ATRX: variants seen among roughly 807,000 people sequenced by gnomAD.
ATRX encodes ATRX chromatin remodeler.
In ATRX, 12 loss-of-function variants were observed where a neutral mutation model predicts 172.6. The ratio of observed to expected loss-of-function variants is 0.07; its 90% confidence interval spans 0.04 to 0.11. ATRX has a LOEUF of 0.11. Ranked by LOEUF, ATRX falls within the 10% of genes least tolerant of loss-of-function variation. The pLI is 1.00. For missense variants in ATRX, 1,368 were observed against 1,767.4 expected (o/e 0.77, Z 4.05); for synonymous variants, 674 against 594.7 (o/e 1.13, Z -1.94).
intron 1 of ATRX, among the ~76,000 whole-genome samples, chrX:77,742,660 G>C (rs190767748): frequency 6.5e-4 from 73 of 111,827 alleles, no homozygotes; most frequent in African/African-American, 2.2e-3. Context: ...CCAAAATCTA[G>C]GAAGCAAAAG....
At chrX:77,600,032 A>G (rs1318832887) in intron 23 of ATRX, among the ~76,000 whole-genome samples, 2 of 111,670 alleles carry the variant, frequency 1.8e-5, no homozygotes, top group Non-Finnish European at 3.8e-5. Context: ...CAAAAAAGAC[A>G]TAAGTAAAAA....
chrX:77,659,090 G>C (rs1181617594), intron 12 of ATRX, among the ~76,000 whole-genome samples: 1 of 111,380 alleles, frequency 9.0e-6, no homozygotes, highest in Non-Finnish European at 1.9e-5. Context: ...AATGGTTAAA[G>C]AGATTCCATT....
At chrX:77,761,365 C>T (rs1249771047) in intron 1 of ATRX, among the ~76,000 whole-genome samples, 3 of 110,155 alleles carry the variant, frequency 2.7e-5, no homozygotes, top group Admixed American at 9.8e-5. Flanking sequence ...CGGCAAAACC[C>T]ATCTCTACAA....
intron 22 of ATRX, among the ~76,000 whole-genome samples, chrX:77,615,038 G>A (rs1331486642): frequency 2.7e-5 from 3 of 111,200 alleles, no homozygotes; most frequent in Non-Finnish European, 5.7e-5. Context: ...GTGCTCTGTT[G>A]CCTAGGCTGA....
At chrX:77,668,658 C>G (rs1326234600) in intron 10 of ATRX, among the ~76,000 whole-genome samples, 4 of 110,546 alleles carry the variant, frequency 3.6e-5, no homozygotes, top group African/African-American at 1.3e-4. Flanking sequence ...GGGTAAAAAC[C>G]CACAAACAAA....
intron 1 of ATRX, among the ~76,000 whole-genome samples, chrX:77,755,246 A>C (rs781910291): frequency 8.9e-6 from 1 of 112,355 alleles, no homozygotes; most frequent in African/African-American, 3.2e-5. Context: ...CCTTTTATCA[A>C]GTTCCTTGGC....
intron 1 of ATRX, among the ~76,000 whole-genome samples, chrX:77,776,786 A>G (rs1172653233): frequency 8.9e-6 from 1 of 111,780 alleles, no homozygotes; most frequent in Non-Finnish European, 1.9e-5. Context: ...ACAGATGTAA[A>G]TATGTGTGGT....
intron 1 of ATRX, among the ~76,000 whole-genome samples, chrX:77,772,880 C>T (rs1168722140): frequency 9.7e-6 from 1 of 103,507 alleles, no homozygotes; most frequent in Non-Finnish European, 2.0e-5. Flanking sequence ...CGGGGTCTTG[C>T]TCTGTCTCCC....
chrX:77,651,886 A>G, intron 15 of ATRX: 1 of 403,820 alleles, frequency 2.5e-6, no homozygotes, highest in South Asian at 4.1e-5. Context: ...GTAGATTACA[A>G]CATTCTACTC....
rs1487231412 is a variant in ATRX at position 77,683,145 on chromosome X, G to A, written c.2111C>T (p.Ser704Phe). The A allele has an allele frequency of 8.3e-7, 1 of 1,210,305 alleles. No individual in the cohort carries two copies. Among genetic ancestry groups the A allele is most frequent in the Non-Finnish European group, 1.1e-6 (1 of 894,599 alleles). The change falls in exon 9 of 35, where the codon TCT becomes TTT. Residue 704 changes from serine to phenylalanine, a missense_variant. Around this residue, in one of 17 missense-constraint regions of ATRX, gnomAD observed 843 missense variants for 643.1 expected, o/e 1.31. Coordinates refer to ENST00000373344, the MANE Select transcript of ATRX (RefSeq NM_000489.6). ...CTTAGGATTATCTATAGCACTGTCAGAAGAATTACGCTTATCCTTTTTTCT... is the reference window on the plus strand; with the variant it reads ...CTTAGGATTATCTATAGCACTGTCAAAAGAATTACGCTTATCCTTTTTTCT... ...PVRKKDKRNS[S>F]DSAIDNPKPN... is the part of the protein sequence containing the mutation.
chrX:77,677,312 G>C (rs1029215765), intron 9 of ATRX, among the ~76,000 whole-genome samples: 3 of 111,180 alleles, frequency 2.7e-5, no homozygotes, highest in African/African-American at 9.8e-5. Context: ...AGTGAAAAAA[G>C]CCAATCTCAA....
chrX:77,687,887 T>A (rs940573631), intron 7 of ATRX, among the ~76,000 whole-genome samples: 1 of 112,093 alleles, frequency 8.9e-6, no homozygotes, highest in Admixed American at 9.5e-5. Context: ...AACATAGGAT[T>A]AATCTTAGCA....
At chrX:77,674,589 C>A (rs782092036) in intron 10 of ATRX, 49 of 110,802 alleles carry the variant, frequency 4.4e-4, no homozygotes, top group Admixed American at 3.8e-3. Flanking sequence ...CTAACACACA[C>A]AAAAAAATTA....
In ATRX at chrX:77,562,712, T is replaced by C. The variant is rs782726767; in HGVS notation, c.6327-3866A>G. ...GACATGTGCCACCATGCCCAGCTAATTGTATTTAATTTTTTGTAAAGACAG... is the reference window on the plus strand; with the variant it reads ...GACATGTGCCACCATGCCCAGCTAACTGTATTTAATTTTTTGTAAAGACAG... On this transcript the variant is annotated intron_variant, in intron 28 of 34. Coordinates refer to ENST00000373344, the MANE Select transcript of ATRX (RefSeq NM_000489.6). 6.0e-4 allele frequency among the ~76,000 whole-genome samples: 67 copies of C among 110,852 alleles called. 2 individuals are homozygous for C. Among genetic ancestry groups the C allele is most frequent in the African/African-American group, 2.0e-3 (60 of 30,488 alleles).
At chrX:77,652,568 G>A (rs1459344950) in intron 14 of ATRX, among the ~76,000 whole-genome samples, 4 of 107,352 alleles carry the variant, frequency 3.7e-5, no homozygotes, top group Admixed American at 1.0e-4. Flanking sequence ...TTGGGAGGCC[G>A]AGGCGGGTGG....
At chrX:77,735,170 C>G (rs1557178257) in intron 1 of ATRX, among the ~76,000 whole-genome samples, 1 of 112,069 alleles carries the variant, frequency 8.9e-6, no homozygotes, top group African/African-American at 3.2e-5. Context: ...AAGAATGAAA[C>G]TAGACTCCAG....
intron 1 of ATRX, among the ~76,000 whole-genome samples, chrX:77,756,352 G>C (rs1557190192): frequency 9.1e-6 from 1 of 109,469 alleles, no homozygotes; most frequent in Non-Finnish European, 1.9e-5. Context: ...CCAGGGGAGT[G>C]AATGGGTCTA....
At chrX:77,609,831 T>G (rs1297784672) in intron 22 of ATRX, among the ~76,000 whole-genome samples, 8 of 111,453 alleles carry the variant, frequency 7.2e-5, no homozygotes, top group Non-Finnish European at 1.3e-4. Context: ...AGAACAGCAG[T>G]TAATAGAGGC....
At chrX:77,670,653 G>A (rs1428527415) in intron 10 of ATRX, among the ~76,000 whole-genome samples, 4 of 109,098 alleles carry the variant, frequency 3.7e-5, no homozygotes, top group African/African-American at 1.3e-4. Flanking sequence ...TACTTGGGAG[G>A]CTGAGGCAAG....
Sources: allele counts gnomAD v4.1 joint callset (sites outside exome capture counted in the v4.1 genomes callset), GRCh38; gene constraint gnomAD v4.1.1; regional missense constraint gnomAD v4.1.1; transcripts MANE v1.5; gene names NCBI Gene and HGNC (gene_info 2026-07-23, HGNC 2026-07-21).